Variants in MAP4K1 observed in about 807,000 individuals in gnomAD.
MAP4K1 encodes the protein MAPK/ERK kinase kinase kinase 1.
MAP4K1 carries 35 observed loss-of-function variants against 122.8 expected under a neutral mutation model. The observed-to-expected ratio is 0.29, with a 90% CI of 0.22 to 0.38. The LOEUF (loss-of-function observed/expected upper bound fraction) is 0.38, where lower values mean the gene tolerates loss of function less well. MAP4K1 is among the 10% of genes least tolerant of loss of function. The probability of loss-of-function intolerance (pLI) is 1.00; values close to 1 mark genes in which losing one functional copy is unlikely to be tolerated. For synonymous variants in MAP4K1, 412 were observed against 421.3 expected (o/e 0.98, Z 0.27); for missense variants, 791 against 1,072.6 (o/e 0.74, Z 3.67).
chr19:38,617,899 T>C lies in MAP4K1; in HGVS notation c.-4A>G, dbSNP rs373897494. ...TGTCAGGGTCCACGACGTCCATCCC[T>C]GGGGGCCTGAGCTGGGCCTGCGCCC... On this transcript the variant is annotated 5_prime_UTR_variant, in exon 1 of 31. Coordinates refer to ENST00000396857, the MANE Select transcript of MAP4K1 (RefSeq NM_001042600.3). This position sits in a 1 kb window ranked among gnomAD's most constrained non-coding sequence, Gnocchi z 4.1. 1.5e-5 allele frequency: 25 copies of C among 1,613,688 alleles called. No individual in the cohort carries two copies. Among genetic ancestry groups the C allele is most frequent in the Non-Finnish European group, 2.1e-5 (25 of 1,179,698 alleles).
chr19:38,617,508 C>T lies in MAP4K1; in HGVS notation c.157+60G>A, dbSNP rs1975684248. 1.2e-6 allele frequency: 2 copies of T among 1,608,528 alleles called. No individual in the cohort carries two copies. The highest frequency in any genetic ancestry group is 3.3e-5 in the Admixed American group (2 of 59,924). On this transcript the variant is annotated intron_variant, in intron 2 of 30. Transcript: ENST00000396857. The surrounding 1 kb of genome is among the most constrained non-coding windows in gnomAD (Gnocchi z 4.1). ...GGAGAGAGCTACAGGGGAGGTGATC[C>T]CAGTGTCCCAGGAGGCGAAGGTGGG...
At chr19:38,595,025 C>T (rs1974830317) in intron 29 of MAP4K1, among the ~76,000 whole-genome samples, 1 of 151,806 alleles carries the variant, frequency 6.6e-6, no homozygotes, top group South Asian at 2.1e-4. Flanking sequence ...TGGCTGACAG[C>T]TGTAATCCCA....
chr19:38,613,854 CT>C, intron 8 of MAP4K1, 25 bp downstream of exon 8: 3 of 1,575,182 alleles, frequency 1.9e-6, no homozygotes, highest in South Asian at 1.1e-5. Context: ...CACTCCACCC[CT>C]AGCTGCCCGC....
intron 13 of MAP4K1, 53 bp from the exon 14 acceptor site, chr19:38,608,223 G>C (rs1384278705): frequency 1.1e-6 from 1 of 886,808 alleles, no homozygotes; most frequent in African/African-American, 1.7e-5. Flanking sequence ...AAGGGGTAAC[G>C]AGATGGGTTT....
In MAP4K1 at chr19:38,601,277, C is replaced by T. The variant is rs1975055538; in HGVS notation, c.1531+164G>A. The T allele has an allele frequency of 5.0e-6, 3 of 601,276 alleles. No homozygotes were observed. The African/African-American group carries it at 5.8e-5, about 12-fold the overall frequency. The allele number at this position is 601,276 out of a possible 1,614,324, so 37.2% of individuals were successfully genotyped here. Reference sequence around the variant, plus strand: ...CTCTATGCATCTTTGATCACCAAATCCTGAGTGTAAGGACAAGCTCCGCCC... The same window carrying T: ...CTCTATGCATCTTTGATCACCAAATTCTGAGTGTAAGGACAAGCTCCGCCC... On this transcript the variant is annotated intron_variant, in intron 20 of 30. Transcript: ENST00000396857.
rs771676546 is a variant in MAP4K1, at chr19:38,606,233, G to T, written c.1158-18C>A. On this transcript the variant is annotated intron_variant, in intron 16 of 30. Transcript: ENST00000396857. ...GGGTGGGGCTGAAACACAAAGATGGGTTAAATAGCTGGGGGGCTGGGGAAC... is the reference window on the plus strand; with the variant it reads ...GGGTGGGGCTGAAACACAAAGATGGTTTAAATAGCTGGGGGGCTGGGGAAC... 4 of 1,452,590 alleles carry T rather than the reference G, an allele frequency of 2.8e-6. No homozygotes were observed. Among genetic ancestry groups the T allele is most frequent in the Admixed American group, 2.3e-5 (1 of 43,668 alleles). 90.0% of individuals were successfully genotyped at this position (1,452,590 alleles called of 1,614,324 possible). A position where few individuals can be genotyped will look rare whatever the true frequency, so the allele number is the denominator to read the frequency against.
chr19:38,596,171 TA>T (rs773598043), intron 26 of MAP4K1, 140 bp downstream of exon 26: 6 of 1,310,742 alleles, frequency 4.6e-6, no homozygotes, highest in African/African-American at 1.5e-5. Flanking sequence ...CCCAGTTAAC[TA>T]AAACCTGCCA....
Position 38,605,583 on chromosome 19 carries a change from G to A in MAP4K1, c.1348C>T (p.Leu450Phe). ...GPPPSTSSPH[L>F]TAHSEPSLWN... ...GTCCCATTACCTGAATGGGCGGTGAGGTGGGGGCTGCTGGTGGATGGGGGA... is the reference window on the plus strand; with the variant it reads ...GTCCCATTACCTGAATGGGCGGTGAAGTGGGGGCTGCTGGTGGATGGGGGA... Residue 450 changes from leucine to phenylalanine, a missense_variant, in exon 18 of 31, where the codon CTC becomes TTC. This residue lies in a region of MAP4K1 where 303 missense variants were observed against 344.8 expected (regional missense o/e 0.88). Transcript: ENST00000396857. 1.3e-6 allele frequency: 2 copies of A among 1,547,582 alleles called. No individual in the cohort carries two copies. The highest frequency in any genetic ancestry group is 1.7e-6 in the Non-Finnish European group (2 of 1,148,280).
intron 20 of MAP4K1, 137 bp downstream of exon 20, chr19:38,601,302 CCT>C (rs1975056315): frequency 1.7e-5 from 12 of 692,698 alleles, no homozygotes; most frequent in East Asian, 5.9e-5. Flanking sequence ...AAGCTCCGCC[CCT>C]GTTTCAGCCT....
chr19:38,594,215 C>T (rs1248474000), intron 29 of MAP4K1, among the ~76,000 whole-genome samples: 1 of 152,142 alleles, frequency 6.6e-6, no homozygotes, highest in Non-Finnish European at 1.5e-5. Flanking sequence ...GGTGCAGTGG[C>T]TCACACCTGT....
At chr19:38,606,493 GA>G (rs1975333345) in intron 16 of MAP4K1, among the ~76,000 whole-genome samples, 1 of 152,084 alleles carries the variant, frequency 6.6e-6, no homozygotes, top group Admixed American at 6.5e-5. Flanking sequence ...CTTGTCTCCA[GA>G]AAAAAATTAA....
intron 30 of MAP4K1, among the ~76,000 whole-genome samples, chr19:38,588,798 A>T (rs1158376066): frequency 1.3e-5 from 2 of 151,874 alleles, no homozygotes; most frequent in Non-Finnish European, 2.9e-5. Context: ...GCACGCCTGT[A>T]ATCCCAGCTA....
chr19:38,597,238 CTG>C lies in MAP4K1; in HGVS notation c.1837+86_1837+87del, dbSNP rs766456530. Reference sequence around the variant, plus strand: ...GGGTTCTGGACACATTGCCTTAACTCTGTAACCTTCTCAGGTGGATGCAGTTC... The same window carrying C: ...GGGTTCTGGACACATTGCCTTAACTCTAACCTTCTCAGGTGGATGCAGTTC... On this transcript the variant is annotated intron_variant, in intron 24 of 30. Coordinates refer to ENST00000396857, the MANE Select transcript of MAP4K1 (RefSeq NM_001042600.3). This position sits in a 1 kb window ranked among gnomAD's most constrained non-coding sequence, Gnocchi z 4.6. 3.5e-4 allele frequency: 564 copies of C among 1,601,370 alleles called. No homozygotes were observed. The highest frequency in any genetic ancestry group is 4.7e-4 in the Non-Finnish European group (546 of 1,169,362).
intron 11 of MAP4K1, 49 bp downstream of exon 11, chr19:38,611,002 A>T: frequency 6.7e-7 from 1 of 1,497,524 alleles, no homozygotes; most frequent in Non-Finnish European, 9.2e-7. Flanking sequence ...GGAGTTGTGG[A>T]AGGCCCCAGG....
chr19:38,611,677 G>A (rs1414299732), intron 9 of MAP4K1, among the ~76,000 whole-genome samples: 1 of 152,136 alleles, frequency 6.6e-6, no homozygotes, highest in Non-Finnish European at 1.5e-5. Context: ...CTATGTGAGA[G>A]GCTAAGGCAG....
rs746145466 is a variant in MAP4K1, at chr19:38,615,971, T to TAA, written c.313+222_313+223dup. 5.7e-3 allele frequency among the ~76,000 whole-genome samples: 613 copies of TAA among 107,378 alleles called. 4 individuals are homozygous for TAA. Among genetic ancestry groups the TAA allele is most frequent in the African/African-American group, 0.021 (580 of 28,262 alleles). 70.4% of individuals were successfully genotyped at this position (107,378 alleles called of 152,430 possible). ...ACCACACCAGGCCCAGCAGTTATAT[T>TAA]AAAAAAAAAAAAAAAAAAAGCCAGG... On this transcript the variant is annotated intron_variant, in intron 4 of 30. Transcript: ENST00000396857.
chr19:38,592,975 C>G (rs1048773654), intron 30 of MAP4K1, among the ~76,000 whole-genome samples: 2 of 152,004 alleles, frequency 1.3e-5, no homozygotes, highest in African/African-American at 4.8e-5. Context: ...TGGCACATGC[C>G]GGTAGTTCCA....
chr19:38,614,328 T>G, intron 5 of MAP4K1, 36 bp from the exon 6 acceptor site: 1 of 1,614,098 alleles, frequency 6.2e-7, no homozygotes, highest in South Asian at 1.1e-5. Context: ...CAGTGAGTGT[T>G]TGGGGGCTGG....
chr19:38,617,733 C>T lies in MAP4K1; in HGVS notation c.99+64G>A. On this transcript the variant is annotated intron_variant, in intron 1 of 30. Coordinates refer to ENST00000396857, the MANE Select transcript of MAP4K1 (RefSeq NM_001042600.3). This position sits in a 1 kb window ranked among gnomAD's most constrained non-coding sequence, Gnocchi z 4.1. ...GGGACCCCCTCTTGCAGCCTCCTCC[C>T]TGCCGAGGGCTTGCCTTAAAGGTCA... is the stretch of plus-strand genomic sequence containing the variant. 2.5e-6 allele frequency: 4 copies of T among 1,605,738 alleles called. No homozygotes were observed. Among genetic ancestry groups the T allele is most frequent in the Admixed American group, 1.7e-5 (1 of 60,004 alleles).
Sources: gnomAD v4.1 joint callset for allele counts (sites outside exome capture counted in the v4.1 genomes callset) on GRCh38, gnomAD v4.1.1 for gene constraint, gnomAD v4.1.1 regional missense constraint, Gnocchi (gnomAD v3.1) non-coding constraint, MANE v1.5 for transcripts, NCBI Gene and HGNC (gene_info 2026-07-23, HGNC 2026-07-21) for gene names.